Variants in ZC3H3 observed in about 807,000 individuals in gnomAD.
ZC3H3 encodes the protein zinc finger CCCH-type containing 3.
A neutral mutation model predicts 77.3 loss-of-function variants in ZC3H3; 36 were observed. That is an observed-to-expected ratio of 0.47 (90% CI 0.36 to 0.61). ZC3H3 has a LOEUF of 0.61. Among genes scored for constraint, ZC3H3 ranks in the 20% least tolerant of loss-of-function variants. The pLI, the probability that ZC3H3 is intolerant of heterozygous loss-of-function variation, is 0.00. For synonymous variants in ZC3H3, 626 were observed against 555.2 expected (o/e 1.13, Z -1.79); for missense variants, 1,331 against 1,312.2 (o/e 1.01, Z -0.22).
chr8:143,539,472 G>A, intron 1 of ZC3H3, 152 bp from the exon 2 acceptor site: 2 of 828,716 alleles, frequency 2.4e-6, no homozygotes, highest in Non-Finnish European at 3.7e-6. Context: ...CCAGAGCCTG[G>A]GACTCACTGA....
chr8:143,455,801 C>T (rs559027295), intron 9 of ZC3H3, among the ~76,000 whole-genome samples: 3 of 151,182 alleles, frequency 2.0e-5, no homozygotes, highest in South Asian at 2.1e-4. Flanking sequence ...GGTGAAACCC[C>T]GTCTCTATTA....
chr8:143,445,140 G>C (rs911938310), intron 9 of ZC3H3, among the ~76,000 whole-genome samples: 1 of 152,140 alleles, frequency 6.6e-6, no homozygotes, highest in African/African-American at 2.4e-5. Flanking sequence ...CCAACACTTT[G>C]GGAAGCCAAG....
intron 3 of ZC3H3, 34 bp downstream of exon 3, chr8:143,536,223 G>A: frequency 5.7e-6 from 9 of 1,590,092 alleles, no homozygotes; most frequent in Non-Finnish European, 6.8e-6. Context: ...GGCAGGCCCA[G>A]CCCCAGTGCC....
chr8:143,465,607 C>T, intron 9 of ZC3H3, 110 bp downstream of exon 9: 8 of 1,525,452 alleles, frequency 5.2e-6, no homozygotes, highest in Non-Finnish European at 7.1e-6. Context: ...CACTGACCAC[C>T]TCAGGGCTGC....
rs142554438 is a variant in ZC3H3, at chr8:143,484,831, C to G, written c.1716-9246G>C. The G allele has an allele frequency of 3.5e-3, 1,562 of 449,364 alleles. 21 individuals are homozygous for G. Among genetic ancestry groups the G allele is most frequent in the African/African-American group, 0.029 (1,444 of 49,818 alleles). 27.8% of individuals were successfully genotyped at this position (449,364 alleles called of 1,614,324 possible). ...AAGAGACTCACAGCAGACATCCCCC[C>G]ACTCCCAGGCCCTGGGACAGCCCCT... is the stretch of plus-strand genomic sequence containing the variant. On this transcript the variant is annotated intron_variant, in intron 4 of 11. Coordinates refer to ENST00000262577, the MANE Select transcript of ZC3H3 (RefSeq NM_015117.3).
At chr8:143,439,447 T>C (rs1819668372) in intron 11 of ZC3H3, among the ~76,000 whole-genome samples, 1 of 152,150 alleles carries the variant, frequency 6.6e-6, no homozygotes, top group Non-Finnish European at 1.5e-5. Context: ...CGGAGAGCTG[T>C]AAAATGTTTA....
At chr8:143,451,998 C>G (rs891958635) in intron 9 of ZC3H3, among the ~76,000 whole-genome samples, 1 of 152,208 alleles carries the variant, frequency 6.6e-6, no homozygotes, top group South Asian at 2.1e-4. Flanking sequence ...CTTCCTGCCC[C>G]ATCCAAGACT....
chr8:143,515,459 G>A (rs1033191719), intron 3 of ZC3H3, among the ~76,000 whole-genome samples: 1 of 152,270 alleles, frequency 6.6e-6, no homozygotes. Flanking sequence ...GGACCCTGCA[G>A]TTGTGCGGAA....
intron 3 of ZC3H3, among the ~76,000 whole-genome samples, chr8:143,531,601 G>A (rs1394735832): frequency 5.3e-5 from 8 of 152,194 alleles, no homozygotes; most frequent in Admixed American, 4.6e-4. Flanking sequence ...TATATCCTGT[G>A]GCACTTTACA....
chr8:143,447,529 C>T (rs1053902114), intron 9 of ZC3H3, among the ~76,000 whole-genome samples: 1 of 152,152 alleles, frequency 6.6e-6, no homozygotes, highest in African/African-American at 2.4e-5. Context: ...GTTCTGACAG[C>T]GAGATGGTAC....
chr8:143,461,877 G>C (rs956773857), intron 9 of ZC3H3, among the ~76,000 whole-genome samples: 1 of 151,978 alleles, frequency 6.6e-6, no homozygotes, highest in Admixed American at 6.6e-5. Flanking sequence ...GCTGCGCTGT[G>C]GTGCAGCTGT....
rs757644250 is a variant in ZC3H3 at position 143,440,111 on chromosome 8, C to A, written c.2745G>T (p.Leu915=). 3.1e-6 allele frequency: 5 copies of A among 1,609,722 alleles called. No homozygotes were observed. In the South Asian group the frequency reaches 5.5e-5, roughly 18 times the overall value. Residue 915 remains leucine (L), a synonymous_variant, in exon 11 of 12, where the codon CTG becomes CTT. Transcript: ENST00000262577. ...RLCKLPSFIS[L]QSSPSPGAQP... is the part of the protein sequence containing the mutation. ...GGGCTCCTGGGCTCGGCGAGGACTG[C>A]AGGGAGATGAAGGAAGGCAGCTTGC...
intron 3 of ZC3H3, among the ~76,000 whole-genome samples, chr8:143,528,700 G>A (rs147170489): frequency 0.022 from 3,300 of 152,332 alleles, 58 homozygotes; most frequent in Middle Eastern, 0.041. Context: ...CTCCTGGTGG[G>A]CAGCCCTCTG....
At position 143,475,552 on chromosome 8, in the gene ZC3H3, G is replaced by A. The variant is rs1820710007; in HGVS notation, c.1749C>T (p.Ala583=). The A allele has an allele frequency of 2.5e-6, 4 of 1,608,804 alleles. No individual in the cohort carries two copies. Among genetic ancestry groups the A allele is most frequent in the Non-Finnish European group, 2.5e-6 (3 of 1,178,248 alleles). Residue 583 remains alanine (A), a synonymous_variant, in exon 5 of 12, where the codon GCC becomes GCT. Coordinates refer to ENST00000262577, the MANE Select transcript of ZC3H3 (RefSeq NM_015117.3). The part of the protein sequence containing the change: ...SLVLNRLRPV[A]SGGGKAQPGS... ...CCGGTTGGGCTTTCCCACCCCCGCT[G>A]GCAACTGGACGCAGGCGGTTCAGCA...
chr8:143,450,893 G>A (rs545472881), intron 9 of ZC3H3, among the ~76,000 whole-genome samples: 11 of 152,294 alleles, frequency 7.2e-5, no homozygotes, highest in South Asian at 4.1e-4. Flanking sequence ...TCTGCAGGAC[G>A]CTCCTGGCAG....
At chr8:143,503,466 G>A (rs1229299588) in intron 4 of ZC3H3, among the ~76,000 whole-genome samples, 1 of 151,950 alleles carries the variant, frequency 6.6e-6, no homozygotes, top group East Asian at 1.9e-4. Flanking sequence ...CCACAAACCT[G>A]AGGCCACTGG....
intron 9 of ZC3H3, among the ~76,000 whole-genome samples, chr8:143,453,250 GTTTT>G (rs761940887): frequency 6.6e-6 from 1 of 151,284 alleles, no homozygotes; most frequent in Non-Finnish European, 1.5e-5. Context: ...ACTAATTTTT[GTTTT>G]TTTGTTTTTT....
intron 3 of ZC3H3, among the ~76,000 whole-genome samples, chr8:143,510,669 C>A (rs1821843943): frequency 6.6e-6 from 1 of 152,210 alleles, no homozygotes; most frequent in Non-Finnish European, 1.5e-5. Context: ...TGCTCTGTAG[C>A]CAAGAAGGAC....
chr8:143,503,217 C>G (rs1239170764), intron 4 of ZC3H3, among the ~76,000 whole-genome samples: 1 of 152,198 alleles, frequency 6.6e-6, no homozygotes, highest in Non-Finnish European at 1.5e-5. Context: ...GATGGGAGCA[C>G]AGGTGGCACC....
Sources: allele counts gnomAD v4.1 joint callset (sites outside exome capture counted in the v4.1 genomes callset), GRCh38; gene constraint gnomAD v4.1.1; transcripts MANE v1.5; gene names NCBI Gene and HGNC (gene_info 2026-07-23, HGNC 2026-07-21).